SDK1: variants seen among roughly 807,000 people sequenced by gnomAD.
SDK1 encodes the protein sidekick cell adhesion molecule 1, also known as protein sidekick-1.
Under a neutral mutation model 245.5 loss-of-function variants are expected in SDK1, and 157 were observed. That is an observed-to-expected ratio of 0.64 (90% CI 0.56 to 0.73). SDK1 has a LOEUF of 0.73. Ranked by LOEUF, SDK1 falls within the 30% of genes least tolerant of loss-of-function variation. The pLI is 0.00. For missense variants in SDK1, 3,583 were observed against 3,002.3 expected, an observed-to-expected ratio of 1.19 and a Z score of -4.52; for synonymous variants, 1,647 against 1,278.5, an observed-to-expected ratio of 1.29 and a Z score of -6.15.
chr7:3,790,082 G>A lies in SDK1; in HGVS notation c.714-31368G>A, dbSNP rs10232479. ...GAAAGACCCCGTAGTCCAAATGCCAGGTGTAGCAGAGTGGGAGGTGAGGAC... is the reference window on the plus strand; with the variant it reads ...GAAAGACCCCGTAGTCCAAATGCCAAGTGTAGCAGAGTGGGAGGTGAGGAC... On this transcript the variant is annotated intron_variant, in intron 4 of 44. Coordinates refer to ENST00000404826, the MANE Select transcript of SDK1 (RefSeq NM_152744.4). Among the ~76,000 whole-genome samples, 848 of 152,280 alleles carry A rather than the reference G, an allele frequency of 5.6e-3. 9 individuals carry two copies. Among genetic ancestry groups the A allele is most frequent in the African/African-American group, 0.02 (815 of 41,532 alleles).
intron 4 of SDK1, among the ~76,000 whole-genome samples, chr7:3,809,235 T>A (rs371012907): frequency 5.3e-5 from 8 of 152,036 alleles, no homozygotes; most frequent in African/African-American, 1.9e-4. Context: ...CCACACACTT[T>A]TAAACAGCCA....
intron 1 of SDK1, among the ~76,000 whole-genome samples, chr7:3,412,416 CA>C (rs1779235525): frequency 6.6e-6 from 1 of 152,184 alleles, no homozygotes; most frequent in Non-Finnish European, 1.5e-5. Flanking sequence ...GACTCTCAAG[CA>C]GTTTGTGACT....
chr7:3,624,757 T>C (rs1258599450), intron 2 of SDK1, among the ~76,000 whole-genome samples: 3 of 151,974 alleles, frequency 2.0e-5, no homozygotes, highest in East Asian at 3.9e-4. Context: ...AAAAAATATA[T>C]GATCAAGGCC....
intron 40 of SDK1, among the ~76,000 whole-genome samples, chr7:4,229,992 GAATGGATGGAT>G (rs796631813): frequency 2.3e-4 from 35 of 149,604 alleles, no homozygotes; most frequent in African/African-American, 8.2e-4. Context: ...GTGGAAGGAA[GAATGGATGGAT>G]AATGGATGGA....
At chr7:3,938,018 G>C (rs1056350343) in intron 5 of SDK1, among the ~76,000 whole-genome samples, 11 of 152,020 alleles carry the variant, frequency 7.2e-5, no homozygotes, top group Non-Finnish European at 1.0e-4. Context: ...TGTATATTTA[G>C]TAGAAACGGG....
At chr7:4,094,660 A>G (rs1338879118) in intron 22 of SDK1, among the ~76,000 whole-genome samples, 1 of 152,236 alleles carries the variant, frequency 6.6e-6, no homozygotes, top group African/African-American at 2.4e-5. Context: ...CTTTATTGTT[A>G]TCAAACCGGA....
intron 4 of SDK1, among the ~76,000 whole-genome samples, chr7:3,754,983 A>G (rs1454348450): frequency 6.6e-6 from 1 of 152,180 alleles, no homozygotes; most frequent in East Asian, 1.9e-4. Context: ...AATTTCTGGA[A>G]AGGCTTTGTT....
intron 22 of SDK1, among the ~76,000 whole-genome samples, chr7:4,092,261 C>G (rs999779363): frequency 6.6e-6 from 1 of 152,204 alleles, no homozygotes; most frequent in Non-Finnish European, 1.5e-5. Context: ...AACCTGCCAG[C>G]CCCTGAGGCT....
intron 30 of SDK1, among the ~76,000 whole-genome samples, chr7:4,149,830 G>A (rs1224595356): frequency 2.0e-5 from 3 of 152,158 alleles, no homozygotes; most frequent in African/African-American, 7.2e-5. Context: ...GAGGAGGGCT[G>A]GGCTGGCCTC....
intron 5 of SDK1, among the ~76,000 whole-genome samples, chr7:3,825,420 CA>C (rs1779747803): frequency 1.3e-5 from 2 of 151,280 alleles, no homozygotes; most frequent in South Asian, 4.2e-4. Context: ...TTAGACATAC[CA>C]TCAGTTCTGA....
intron 5 of SDK1, among the ~76,000 whole-genome samples, chr7:3,848,135 C>A (rs1159911347): frequency 6.6e-6 from 1 of 152,186 alleles, no homozygotes; most frequent in Non-Finnish European, 1.5e-5. Flanking sequence ...GATGATAGTT[C>A]TTATGACACA....
At chr7:3,679,681 G>A (rs898548194) in intron 4 of SDK1, among the ~76,000 whole-genome samples, 2 of 152,186 alleles carry the variant, frequency 1.3e-5, no homozygotes, top group African/African-American at 2.4e-5. Flanking sequence ...TTAGGAAAGC[G>A]CACTTTCAAA....
At chr7:3,484,308 C>T (rs1326546446) in intron 1 of SDK1, among the ~76,000 whole-genome samples, 1 of 151,968 alleles carries the variant, frequency 6.6e-6, no homozygotes, top group Admixed American at 6.5e-5. Flanking sequence ...TTCAACCAAA[C>T]ATAGATCGAA....
At chr7:3,962,972 G>A (rs1435559375) in intron 9 of SDK1, 121 bp downstream of exon 9, 15 of 473,108 alleles carry the variant, frequency 3.2e-5, no homozygotes, top group Non-Finnish European at 4.6e-5. Context: ...TGACCTGGAC[G>A]TATCCAGTGA....
At chr7:3,838,994 A>G (rs979053462) in intron 5 of SDK1, among the ~76,000 whole-genome samples, 1 of 152,144 alleles carries the variant, frequency 6.6e-6, no homozygotes, top group Non-Finnish European at 1.5e-5. Context: ...CCCTACAAAT[A>G]GATGGTGTTC....
chr7:3,774,929 C>T (rs1045014934), intron 4 of SDK1, among the ~76,000 whole-genome samples: 4 of 152,134 alleles, frequency 2.6e-5, no homozygotes, highest in African/African-American at 4.8e-5. Context: ...AAGCCTTTTG[C>T]TTCTATGGTG....
At chr7:3,839,294 G>C (rs922399007) in intron 5 of SDK1, among the ~76,000 whole-genome samples, 4 of 152,126 alleles carry the variant, frequency 2.6e-5, no homozygotes, top group African/African-American at 9.7e-5. Context: ...CAAACATTAG[G>C]GTCGGTATTG....
chr7:4,156,010 C>T (rs1030221444), intron 30 of SDK1, among the ~76,000 whole-genome samples: 3 of 152,162 alleles, frequency 2.0e-5, no homozygotes, highest in African/African-American at 4.8e-5. Context: ...TGAGCTTGCC[C>T]CACACCACAC....
intron 22 of SDK1, among the ~76,000 whole-genome samples, chr7:4,097,658 T>C (rs1782241543): frequency 6.6e-6 from 1 of 152,156 alleles, no homozygotes; most frequent in Non-Finnish European, 1.5e-5. Context: ...CCAAATGCTT[T>C]TATCTCATCA....
Sources: allele counts gnomAD v4.1 joint callset (sites outside exome capture counted in the v4.1 genomes callset), GRCh38; gene constraint gnomAD v4.1.1; transcripts MANE v1.5; gene names NCBI Gene and HGNC (gene_info 2026-07-23, HGNC 2026-07-21).